GRIK2: variants seen among roughly 807,000 people sequenced by gnomAD.
The protein encoded by GRIK2 is glutamate ionotropic receptor kainate type subunit 2.
Under a neutral mutation model 100.3 loss-of-function variants are expected in GRIK2, and 32 were observed. The observed-to-expected ratio is 0.32, with a 90% CI of 0.24 to 0.43. The LOEUF is 0.43. Among genes scored for constraint, GRIK2 ranks in the 20% least tolerant of loss-of-function variants. The probability of loss-of-function intolerance (pLI) is 1.00; values close to 1 mark genes in which losing one functional copy is unlikely to be tolerated. For missense variants in GRIK2, 843 were observed against 1,114.9 expected (o/e 0.76, Z 3.47); for synonymous variants, 417 against 389.4 (o/e 1.07, Z -0.83).
intron 7 of GRIK2, among the ~76,000 whole-genome samples, chr6:101,721,157 G>C (rs1398971165): frequency 1.3e-5 from 2 of 152,014 alleles, no homozygotes; most frequent in African/African-American, 4.8e-5. Context: ...GGACAGTTTA[G>C]TTTATTGATT....
At chr6:101,518,474 A>G (rs1774702388) in intron 2 of GRIK2, among the ~76,000 whole-genome samples, 1 of 152,152 alleles carries the variant, frequency 6.6e-6, no homozygotes, top group East Asian at 1.9e-4. Flanking sequence ...AAGTAAGACA[A>G]GGTAAGTGGC....
At chr6:101,504,603 T>G (rs1213887207) in intron 2 of GRIK2, among the ~76,000 whole-genome samples, 7 of 151,838 alleles carry the variant, frequency 4.6e-5, no homozygotes, top group East Asian at 1.9e-4. Flanking sequence ...ATTACATATA[T>G]AGAGAGATAT....
At position 101,733,369 on chromosome 6, in the gene GRIK2, G is replaced by A. The variant is rs150068495; in HGVS notation, c.951+47016G>A. ...CATCCCCATTCCAAATAGAAAAATA[G>A]AAAAGAATAAAGGGGTGGGAGTCCC... On this transcript the variant is annotated intron_variant, in intron 7 of 16. Coordinates refer to ENST00000369134, the MANE Select transcript of GRIK2 (RefSeq NM_021956.5). 2.6e-3 allele frequency among the ~76,000 whole-genome samples: 397 copies of A among 152,184 alleles called. 7 individuals carry two copies. Among genetic ancestry groups the A allele is most frequent in the African/African-American group, 8.5e-3 (355 of 41,536 alleles).
In GRIK2 at chr6:101,925,267, C is replaced by T. The variant is rs145976263; in HGVS notation, c.1867+548C>T. Among the ~76,000 whole-genome samples, 954 of 152,074 alleles carry T rather than the reference C, an allele frequency of 6.3e-3. 10 individuals are homozygous for T. The highest frequency in any genetic ancestry group is 0.021 in the African/African-American group (880 of 41,512). On this transcript the variant is annotated intron_variant, in intron 13 of 16. Transcript: ENST00000369134. ...ATAAGAATATAAAATATTGCATGCT[C>T]GGAAGTGCATGCAAAAATACTTTTT...
chr6:101,733,068 A>G (rs1045763893), intron 7 of GRIK2, among the ~76,000 whole-genome samples: 4 of 152,150 alleles, frequency 2.6e-5, no homozygotes, highest in African/African-American at 9.7e-5. Flanking sequence ...AATTTTGAGA[A>G]GACTCAAGTC....
intron 12 of GRIK2, among the ~76,000 whole-genome samples, chr6:101,891,159 AT>A (rs984129731): frequency 1.3e-5 from 2 of 150,498 alleles, no homozygotes; most frequent in Admixed American, 1.3e-4. Flanking sequence ...GAAGTAATGT[AT>A]TTTTTTTCTA....
chr6:101,546,537 T>A (rs1412535545), intron 2 of GRIK2, among the ~76,000 whole-genome samples: 1 of 152,186 alleles, frequency 6.6e-6, no homozygotes. Flanking sequence ...TTCACACTTA[T>A]CACCTAAGAG....
intron 2 of GRIK2, among the ~76,000 whole-genome samples, chr6:101,457,480 T>G (rs1771072473): frequency 6.6e-6 from 1 of 152,128 alleles, no homozygotes; most frequent in African/African-American, 2.4e-5. Context: ...TATGTAATCT[T>G]TATTGGCCAA....
At chr6:101,639,381 G>A (rs7758379) in intron 4 of GRIK2, among the ~76,000 whole-genome samples, 2,477 of 152,192 alleles carry the variant, frequency 0.016, 67 homozygotes, top group African/African-American at 0.056. Flanking sequence ...TGTATCACAT[G>A]TATCAAACCT....
intron 7 of GRIK2, among the ~76,000 whole-genome samples, chr6:101,774,450 A>G (rs1186787807): frequency 6.6e-6 from 1 of 152,190 alleles, no homozygotes; most frequent in Non-Finnish European, 1.5e-5. Flanking sequence ...AGCGGACAAG[A>G]TTTAACAGGT....
intron 14 of GRIK2, among the ~76,000 whole-genome samples, chr6:101,935,732 TCTG>T (rs1393178193): frequency 6.6e-6 from 1 of 151,978 alleles, no homozygotes; most frequent in Non-Finnish European, 1.5e-5. Context: ...GTGAACTACT[TCTG>T]CTCCTTTCCT....
intron 9 of GRIK2, among the ~76,000 whole-genome samples, chr6:101,815,121 A>G (rs1277209177): frequency 6.6e-6 from 1 of 152,128 alleles, no homozygotes; most frequent in East Asian, 1.9e-4. Flanking sequence ...CTGTCCATAA[A>G]AGCTGGGCCA....
intron 7 of GRIK2, among the ~76,000 whole-genome samples, chr6:101,774,275 A>C (rs1366133287): frequency 6.6e-6 from 1 of 152,182 alleles, no homozygotes; most frequent in Non-Finnish European, 1.5e-5. Context: ...AAAAAGGTAA[A>C]TATAAACAAC....
intron 12 of GRIK2, among the ~76,000 whole-genome samples, chr6:101,909,151 A>C (rs1788456666): frequency 6.6e-6 from 1 of 151,250 alleles, no homozygotes; most frequent in Non-Finnish European, 1.5e-5. Flanking sequence ...ATTATTAATA[A>C]AAATAATTGA....
intron 2 of GRIK2, among the ~76,000 whole-genome samples, chr6:101,427,473 GGACTATATA>G (rs1769101499): frequency 6.6e-6 from 1 of 152,096 alleles, no homozygotes. Context: ...ATGAAGGCAG[GGACTATATA>G]CTTTTCATCT....
intron 2 of GRIK2, among the ~76,000 whole-genome samples, chr6:101,506,185 G>A (rs1273969749): frequency 6.6e-6 from 1 of 152,102 alleles, no homozygotes; most frequent in African/African-American, 2.4e-5. Flanking sequence ...ACATCCACTA[G>A]CTGAACTCCT....
chr6:101,734,531 A>G (rs565781873), intron 7 of GRIK2, among the ~76,000 whole-genome samples: 1 of 152,252 alleles, frequency 6.6e-6, no homozygotes, highest in African/African-American at 2.4e-5. Context: ...TCATATAAAG[A>G]CATACCCACA....
chr6:101,557,746 A>G (rs1389751565), intron 2 of GRIK2, among the ~76,000 whole-genome samples: 1 of 152,248 alleles, frequency 6.6e-6, no homozygotes, highest in South Asian at 2.1e-4. Context: ...TCTTTTTACT[A>G]ACTTCTCATC....
At chr6:101,887,937 A>T (rs1284758643) in intron 11 of GRIK2, among the ~76,000 whole-genome samples, 1 of 152,176 alleles carries the variant, frequency 6.6e-6, no homozygotes, top group African/African-American at 2.4e-5. Flanking sequence ...AACCATATCA[A>T]CTACTTTATT....
Sources: gnomAD v4.1 joint callset for allele counts (sites outside exome capture counted in the v4.1 genomes callset) on GRCh38, gnomAD v4.1.1 for gene constraint, MANE v1.5 for transcripts, NCBI Gene and HGNC (gene_info 2026-07-23, HGNC 2026-07-21) for gene names.